The following NOSTRIN variants were observed in gnomAD, a reference collection of about 807,000 sequenced individuals.
The protein encoded by NOSTRIN is BM247 homolog.
A neutral mutation model predicts 59.0 loss-of-function variants in NOSTRIN; 63 were observed. The observed-to-expected ratio is 1.07, with a 90% CI of 0.87 to 1.32. NOSTRIN has a LOEUF of 1.32. NOSTRIN is among the 40% of genes most tolerant of loss of function. The pLI is 0.00. For missense variants in NOSTRIN, 512 were observed against 473.1 expected (o/e 1.08, Z -0.76); for synonymous variants, 200 against 165.4 (o/e 1.21, Z -1.61).
chr2:168,798,367 A>G (rs1685535996), upstream of NOSTRIN: 1 of 152,164 alleles, frequency 6.6e-6, no homozygotes, highest in Admixed American at 6.5e-5. Flanking sequence ...ATGAGCTTCT[A>G]TTACATTTGG....
At position 168,837,465 on chromosome 2, in the gene NOSTRIN, C is replaced by T. The variant is rs564666831; in HGVS notation, c.504+3140C>T. On this transcript the variant is annotated intron_variant, in intron 7 of 15. Coordinates refer to ENST00000317647, the MANE Select transcript of NOSTRIN (RefSeq NM_001039724.4). ...GCTGGGACTACAGGCCCCGCCACCA[C>T]ACCCAGCTAATTTTTTATATTTTTT... is the stretch of plus-strand genomic sequence containing the variant. 4.6e-5 allele frequency among the ~76,000 whole-genome samples: 7 copies of T among 151,884 alleles called. 1 individual carries two copies. The South Asian group carries it at 1.3e-3, about 27-fold the overall frequency.
chr2:168,845,336 G>C (rs551422082), intron 8 of NOSTRIN, among the ~76,000 whole-genome samples: 17 of 152,254 alleles, frequency 1.1e-4, no homozygotes, highest in African/African-American at 4.1e-4. Context: ...AGATGGGAGA[G>C]ACATTTCTGC....
intron 10 of NOSTRIN, among the ~76,000 whole-genome samples, chr2:168,852,814 C>T (rs1688851140): frequency 6.6e-6 from 1 of 151,992 alleles, no homozygotes; most frequent in Admixed American, 6.6e-5. Flanking sequence ...CCTACCTTGG[C>T]AAAGGAGAAG....
Position 168,865,216 on chromosome 2 carries a change from C to A in NOSTRIN, c.*246C>A, listed in dbSNP as rs781573628. 1.3e-5 allele frequency: 6 copies of A among 457,112 alleles called. No individual in the cohort carries two copies. The highest frequency in any genetic ancestry group is 2.0e-5 in the African/African-American group (1 of 50,466). 28.3% of individuals were successfully genotyped at this position (457,112 alleles called of 1,614,324 possible). ...AGGAGTTTCCAAATTCTAGGAGACC[C>A]TAGAGATGATCCAGTATAACCCCTG... On this transcript the variant is annotated 3_prime_UTR_variant, in exon 16 of 16. Transcript: ENST00000317647.
At position 168,828,141 on chromosome 2, in the gene NOSTRIN, C is replaced by T. The variant is rs992475332; in HGVS notation, c.198-17C>T. ...AAATGACACTCACCTTTGTTCCCCA[C>T]TTTTTTTTGCCTTTAGTTGTGTTAG... On this transcript the variant is annotated splice_polypyrimidine_tract_variant and intron_variant, in intron 3 of 15. Transcript: ENST00000317647. The T allele has an allele frequency of 8.0e-6, 7 of 870,794 alleles. No homozygotes were observed. The highest frequency in any genetic ancestry group is 2.2e-4 in the Middle Eastern group (1 of 4,618). The allele number at this position is 870,794 out of a possible 1,614,324, so 53.9% of individuals were successfully genotyped here. A position where few individuals can be genotyped will look rare whatever the true frequency, so the allele number is the denominator to read the frequency against.
chr2:168,841,267 GAAAA>G (rs1162066495), intron 7 of NOSTRIN, among the ~76,000 whole-genome samples: 1 of 111,540 alleles, frequency 9.0e-6, no homozygotes, highest in Admixed American at 9.3e-5. Context: ...AAAAAGAAAA[GAAAA>G]AGAAAGATAT....
At chr2:168,817,814 G>A (rs1354603366) in intron 2 of NOSTRIN, among the ~76,000 whole-genome samples, 1 of 152,148 alleles carries the variant, frequency 6.6e-6, no homozygotes, top group African/African-American at 2.4e-5. Flanking sequence ...TAAGACAATC[G>A]ATAATGCTGC....
intron 7 of NOSTRIN, among the ~76,000 whole-genome samples, chr2:168,836,852 C>G (rs1161095924): frequency 6.6e-6 from 1 of 152,196 alleles, no homozygotes; most frequent in African/African-American, 2.4e-5. Flanking sequence ...CTTGGACAGC[C>G]CACTCCCTAA....
chr2:168,853,565 GTTTAAACAATA>G (rs1688897898), intron 10 of NOSTRIN, among the ~76,000 whole-genome samples: 2 of 152,210 alleles, frequency 1.3e-5, no homozygotes. Flanking sequence ...GGAAATACAT[GTTTAAACAATA>G]GATGTCCCCA....
At position 168,843,339 on chromosome 2, in the gene NOSTRIN, C is replaced by T. The variant is rs182488285; in HGVS notation, c.630+222C>T. Among the ~76,000 whole-genome samples, 129 of 152,276 alleles carry T rather than the reference C, an allele frequency of 8.5e-4. 1 individual carries two copies. The highest frequency in any genetic ancestry group is 1.4e-3 in the Non-Finnish European group (98 of 68,026). On this transcript the variant is annotated intron_variant, in intron 8 of 15. Transcript: ENST00000317647. The stretch of plus-strand genomic sequence containing the variant: ...AATTTCACTGGCCAGAGTTTCTGCT[C>T]CTAATTCTTAGTGGACAGGATAGCA...
chr2:168,833,311 G>A (rs1440826667), intron 6 of NOSTRIN, among the ~76,000 whole-genome samples: 2 of 152,186 alleles, frequency 1.3e-5, no homozygotes, highest in Non-Finnish European at 2.9e-5. Context: ...GGTGGAGAAA[G>A]AGGGCCATGA....
chr2:168,791,006 A>G (rs1465341089), intron 2 of NOSTRIN, among the ~76,000 whole-genome samples: 1 of 152,138 alleles, frequency 6.6e-6, no homozygotes, highest in Non-Finnish European at 1.5e-5. Flanking sequence ...TTTTATTATT[A>G]TTACACTTTA....
Position 168,859,530 on chromosome 2 carries a change from C to G in NOSTRIN, c.1072C>G (p.Leu358Val). The G allele has an allele frequency of 6.2e-7, 1 of 1,613,958 alleles. No homozygotes were observed. The highest frequency in any genetic ancestry group is 8.5e-7 in the Non-Finnish European group (1 of 1,179,938). ...LMDENNLKLD[L>V]LEANSYKLSS... ...TCCACAGAACAATTTGAAACTAGAC[C>G]TTTTGGAAGCGAACTCCTACAAACT... Residue 358 changes from leucine (L) to valine (V), a missense_variant, in exon 13 of 16, where the codon CTT becomes GTT. Leu to Val is a conservative substitution (Grantham distance 32). Transcript: ENST00000317647.
chr2:168,860,446 G>A (rs561179201), intron 13 of NOSTRIN, among the ~76,000 whole-genome samples: 2 of 152,266 alleles, frequency 1.3e-5, no homozygotes, highest in East Asian at 1.9e-4. Flanking sequence ...CAAGGCAGGC[G>A]GATCACCTGA....
chr2:168,846,311 T>C (rs1438488327), intron 8 of NOSTRIN, among the ~76,000 whole-genome samples: 1 of 152,226 alleles, frequency 6.6e-6, no homozygotes, highest in African/African-American at 2.4e-5. Flanking sequence ...CTCAGTTTCA[T>C]TTTTTCTCCA....
At chr2:168,828,928 A>G (rs1342600473) in intron 5 of NOSTRIN, among the ~76,000 whole-genome samples, 1 of 152,132 alleles carries the variant, frequency 6.6e-6, no homozygotes, top group Non-Finnish European at 1.5e-5. Context: ...TGTATAGAAA[A>G]AGCTGGAAGA....
At chr2:168,814,914 A>AT (rs1177637364) in intron 2 of NOSTRIN, among the ~76,000 whole-genome samples, 1 of 152,208 alleles carries the variant, frequency 6.6e-6, no homozygotes, top group African/African-American at 2.4e-5. Flanking sequence ...TCATAAACAA[A>AT]TTTTTTTAAA....
In NOSTRIN at chr2:168,817,744, A is replaced by T. The variant is rs1213284382; in HGVS notation, c.113+6092A>T. Reference sequence around the variant, plus strand: ...CCCAAACTAGACCCTCAAGAAGGGCATCATTCAGGTCTTATCCTCCTATTT... The same window carrying T: ...CCCAAACTAGACCCTCAAGAAGGGCTTCATTCAGGTCTTATCCTCCTATTT... On this transcript the variant is annotated intron_variant, in intron 2 of 15. Coordinates refer to ENST00000317647, the MANE Select transcript of NOSTRIN (RefSeq NM_001039724.4). Among the ~76,000 whole-genome samples the T allele has an allele frequency of 6.6e-5, 10 of 152,354 alleles. No homozygotes were observed. In the East Asian group the frequency reaches 1.9e-3, roughly 29 times the overall value.
chr2:168,786,732 C>T (rs912210923), intron 1 of NOSTRIN: 3 of 152,238 alleles, frequency 2.0e-5, no homozygotes, highest in African/African-American at 7.2e-5. Flanking sequence ...ACTTTACTTC[C>T]TTTCGTTCCT....
Sources: gnomAD v4.1 joint callset for allele counts (sites outside exome capture counted in the v4.1 genomes callset) on GRCh38, gnomAD v4.1.1 for gene constraint, MANE v1.5 for transcripts, NCBI Gene and HGNC (gene_info 2026-07-23, HGNC 2026-07-21) for gene names.